SPC25: variants seen among roughly 807,000 people sequenced by gnomAD.
SPC25 encodes kinetochore protein Spc25.
Under a neutral mutation model 29.6 loss-of-function variants are expected in SPC25, and 22 were observed. The observed-to-expected ratio is 0.74, with a 90% CI of 0.53 to 1.06. SPC25 has a LOEUF of 1.06. Among genes scored for constraint, SPC25 ranks in the 50% least tolerant of loss-of-function variants. The probability of loss-of-function intolerance (pLI) is 0.00; values close to 1 mark genes in which losing one functional copy is unlikely to be tolerated. For synonymous variants in SPC25, 91 were observed against 90.4 expected, an observed-to-expected ratio of 1.01 and a Z score of -0.04; for missense variants, 230 against 255.8, an observed-to-expected ratio of 0.90 and a Z score of 0.69.
chr2:168,865,938 G>A (rs572358684), downstream of SPC25, among the ~76,000 whole-genome samples: 1 of 152,384 alleles, frequency 6.6e-6, no homozygotes, highest in East Asian at 1.9e-4. Context: ...CCTCTTCAAG[G>A]AGAACTACAA....
intron 4 of SPC25, among the ~76,000 whole-genome samples, chr2:168,876,600 CTTTTTT>C: frequency 7.0e-6 from 1 of 142,848 alleles, no homozygotes; most frequent in South Asian, 2.2e-4. Flanking sequence ...TTAGTTTTTT[CTTTTTT>C]TTTTTTTTAA....
At chr2:168,877,459 C>G (rs573936601) in intron 3 of SPC25, 75 bp from the exon 4 acceptor site, 27 of 1,502,724 alleles carry the variant, frequency 1.8e-5, no homozygotes, top group Non-Finnish European at 2.4e-5. Context: ...CCAAAGTTTA[C>G]TGACTTTCAT....
At chr2:168,864,140 G>A (rs1689687382) in intron 4 of SPC25, among the ~76,000 whole-genome samples, 1 of 151,988 alleles carries the variant, frequency 6.6e-6, no homozygotes, top group Admixed American at 6.6e-5. Flanking sequence ...GCTAATTTTT[G>A]TATTTTTAGT....
chr2:168,862,179 T>C, intron 4 of SPC25: 1 of 732,506 alleles, frequency 1.4e-6, no homozygotes, highest in East Asian at 2.7e-5. Flanking sequence ...TCTTGAAAGA[T>C]AAGCACATCT....
At chr2:168,874,986 G>C (rs546531046) in intron 5 of SPC25, among the ~76,000 whole-genome samples, 1 of 152,188 alleles carries the variant, frequency 6.6e-6, no homozygotes, top group Admixed American at 6.5e-5. Flanking sequence ...AGTGATCTTG[G>C]GAAGCCCAGA....
chr2:168,877,278 A>G lies in SPC25; in HGVS notation c.306T>C (p.Asn102=). Residue 102 remains asparagine (N), a synonymous_variant, in exon 4 of 7, where the codon AAT becomes AAC. Transcript: ENST00000282074. The part of the protein sequence containing the change: ...KKQELEVLTA[N]IQDLKEEYSR... The stretch of plus-strand genomic sequence containing the variant: ...AATATTCTTCCTTAAGATCCTGGAT[A>G]TTTGCAGTCAGTACTTCCAATTCCT... The G allele has an allele frequency of 2.5e-6, 4 of 1,613,688 alleles. No individual in the cohort carries two copies. In the South Asian group the frequency reaches 4.4e-5, roughly 18 times the overall value.
intron 4 of SPC25, chr2:168,864,807 C>A (rs758363661): frequency 1.2e-6 from 2 of 1,612,868 alleles, no homozygotes; most frequent in South Asian, 2.2e-5. Context: ...ATCACAGAGA[C>A]CCATTTGTCT....
At position 168,862,114 on chromosome 2, in the gene SPC25, CCT is replaced by C; in HGVS notation, n.419+11469_419+11470del. The C allele has an allele frequency of 2.1e-6, 3 of 1,445,914 alleles. No homozygotes were observed. The Admixed American group carries it at 5.1e-5, about 25-fold the overall frequency. The allele number at this position is 1,445,914 out of a possible 1,614,324, so 89.6% of individuals were successfully genotyped here. On this transcript the variant is annotated intron_variant and non_coding_transcript_variant, in intron 4 of 4. Transcript: ENST00000479309. Reference sequence around the variant, plus strand: ...TTGAGATTCTTAGCATGAATAAAACCCTGTCTTAGTGTGGCAGCCTTAAGAGT... The same window carrying C: ...TTGAGATTCTTAGCATGAATAAAACCGTCTTAGTGTGGCAGCCTTAAGAGT...
downstream of SPC25, among the ~76,000 whole-genome samples, chr2:168,868,341 A>G (rs1689911834): frequency 6.6e-6 from 1 of 152,238 alleles, no homozygotes; most frequent in African/African-American, 2.4e-5. Context: ...AAAAGGCAAG[A>G]AATAACTAAG....
rs1291502413 is a variant in SPC25, at chr2:168,862,199, G to A, written n.419+11386C>T. 7 of 666,380 alleles carry A rather than the reference G, an allele frequency of 1.1e-5. No homozygotes were observed. The Admixed American group carries it at 1.6e-4, about 16-fold the overall frequency. The allele number at this position is 666,380 out of a possible 1,614,324, so 41.3% of individuals were successfully genotyped here. ...AAAGATAAGCACATCTAAAACAAAA[G>A]CTCGCATAATGATAATAGCTAACGC... On this transcript the variant is annotated intron_variant and non_coding_transcript_variant, in intron 4 of 4. Transcript: ENST00000479309.
intron 3 of SPC25, among the ~76,000 whole-genome samples, chr2:168,884,178 C>G (rs1396540410): frequency 6.6e-6 from 1 of 152,192 alleles, no homozygotes; most frequent in Non-Finnish European, 1.5e-5. Flanking sequence ...TGCATTTTCA[C>G]TCCAATGCAC....
rs147179847 is a variant in SPC25 at position 168,863,129 on chromosome 2, G to T, written n.419+10456C>A. 4.4e-3 allele frequency among the ~76,000 whole-genome samples: 677 copies of T among 152,160 alleles called. 2 individuals carry two copies. The highest frequency in any genetic ancestry group is 0.016 in the African/African-American group (645 of 41,514). On this transcript the variant is annotated intron_variant and non_coding_transcript_variant, in intron 4 of 4. Transcript: ENST00000479309. ...TTATCTTGTTTTCAGTTCTCTGTTG[G>T]TTGCAAAGCCTACTTATACTTTATA...
chr2:168,876,495 C>CT (rs1690089160), intron 4 of SPC25, among the ~76,000 whole-genome samples: 1 of 151,844 alleles, frequency 6.6e-6, no homozygotes, highest in Admixed American at 6.6e-5. Context: ...TACTACTGTG[C>CT]TTTTTTTCTA....
chr2:168,866,800 A>C (rs191712682), downstream of SPC25, among the ~76,000 whole-genome samples: 1,869 of 141,172 alleles, frequency 0.013, 37 homozygotes, highest in Admixed American at 0.06. Flanking sequence ...ACCACATCAA[A>C]AAGTGGGCGA....
downstream of SPC25, among the ~76,000 whole-genome samples, chr2:168,870,012 T>G (rs1306816929): frequency 5.3e-5 from 8 of 152,186 alleles, no homozygotes; most frequent in Admixed American, 5.2e-4. Flanking sequence ...AACAGAGATA[T>G]AGACCAATGG....
At chr2:168,890,205 A>G in intron 1 of SPC25, 113 bp downstream of exon 1, 3 of 495,090 alleles carry the variant, frequency 6.1e-6, no homozygotes, top group Non-Finnish European at 5.2e-6. Flanking sequence ...AACAGCAACA[A>G]GATGCGCATT....
rs1290082213 is a variant in SPC25 at position 168,890,370 on chromosome 2, A to G, written c.-67T>C. 8 of 984,806 alleles carry G rather than the reference A, an allele frequency of 8.1e-6. No homozygotes were observed. Among genetic ancestry groups the G allele is most frequent in the Admixed American group, 6.2e-5 (1 of 16,224 alleles). 61.0% of individuals were successfully genotyped at this position (984,806 alleles called of 1,614,324 possible). ...CCTTCCCCACACCAGATCCGCGCCCACTCTAGCCAACAGCCGGACTCTAGG... is the reference window on the plus strand; with the variant it reads ...CCTTCCCCACACCAGATCCGCGCCCGCTCTAGCCAACAGCCGGACTCTAGG... On this transcript the variant is annotated 5_prime_UTR_variant, in exon 1 of 7. Coordinates refer to ENST00000282074, the MANE Select transcript of SPC25 (RefSeq NM_020675.4).
At chr2:168,875,761 TA>T (rs1448832071) in intron 5 of SPC25, among the ~76,000 whole-genome samples, 14 of 152,058 alleles carry the variant, frequency 9.2e-5, no homozygotes, top group African/African-American at 3.4e-4. Context: ...ATTACATCAC[TA>T]CTTAAAAATT....
chr2:168,867,690 C>T (rs1689892519), downstream of SPC25, among the ~76,000 whole-genome samples: 1 of 152,250 alleles, frequency 6.6e-6, no homozygotes, highest in African/African-American at 2.4e-5. Flanking sequence ...AACTAACTAT[C>T]CTAAATATAT....
Sources: gnomAD v4.1 joint callset for allele counts (sites outside exome capture counted in the v4.1 genomes callset) on GRCh38, gnomAD v4.1.1 for gene constraint, MANE v1.5 for transcripts, NCBI Gene and HGNC (gene_info 2026-07-23, HGNC 2026-07-21) for gene names.